Variants in DENND5A observed in about 807,000 individuals in gnomAD.
DENND5A encodes the protein DENN domain-containing protein 5A.
A neutral mutation model predicts 140.3 loss-of-function variants in DENND5A; 64 were observed. That is an observed-to-expected ratio of 0.46 (90% confidence interval 0.37 to 0.56). DENND5A has a LOEUF of 0.56. Among genes scored for constraint, DENND5A ranks in the 20% least tolerant of loss-of-function variants. The pLI is 0.00. For synonymous variants in DENND5A, 605 were observed against 607.7 expected, an observed-to-expected ratio of 1.00 and a Z score of 0.07; for missense variants, 1,292 against 1,593.8, an observed-to-expected ratio of 0.81 and a Z score of 3.22.
At position 9,206,794 on chromosome 11, in the gene DENND5A, A is replaced by C. The variant is rs1564915539; in HGVS notation, c.182-12T>G. 5.8e-6 allele frequency: 9 copies of C among 1,555,134 alleles called. No individual in the cohort carries two copies. Among genetic ancestry groups the C allele is most frequent in the Non-Finnish European group, 8.0e-6 (9 of 1,126,652 alleles). ...CTCAAAATTTTCTCCTGTAAGAAAA[A>C]GAATGAAGTAAATCATTTCTACAAA... On this transcript the variant is annotated splice_polypyrimidine_tract_variant and intron_variant, in intron 2 of 22. Coordinates refer to ENST00000328194, the MANE Select transcript of DENND5A (RefSeq NM_015213.4).
intron 9 of DENND5A, 102 bp from the exon 10 acceptor site, chr11:9,170,051 C>T (rs1297451975): frequency 1.1e-6 from 1 of 940,488 alleles, no homozygotes; most frequent in Non-Finnish European, 1.7e-6. Flanking sequence ...CAATGCTGGA[C>T]ACAGGAAATG....
chr11:9,220,268 C>T (rs1379806136), intron 1 of DENND5A, among the ~76,000 whole-genome samples: 2 of 152,168 alleles, frequency 1.3e-5, no homozygotes, highest in African/African-American at 2.4e-5. Context: ...ATAATTCGGG[C>T]CAGGCACAGT....
intron 1 of DENND5A, among the ~76,000 whole-genome samples, chr11:9,258,606 G>GAA (rs11398033): frequency 6.6e-6 from 1 of 151,758 alleles, no homozygotes; most frequent in Admixed American, 6.6e-5. Flanking sequence ...ACCTGGACTA[G>GAA]AAAAAAACTA....
intron 10 of DENND5A, 120 bp from the exon 11 acceptor site, chr11:9,166,087 CTT>C (rs369184549): frequency 1.2e-4 from 84 of 715,310 alleles, no homozygotes; most frequent in East Asian, 1.4e-4. Context: ...TTTTCTTTTT[CTT>C]TTTTTTTTTG....
At chr11:9,197,758 T>C (rs1849382472) in intron 4 of DENND5A, among the ~76,000 whole-genome samples, 2 of 152,224 alleles carry the variant, frequency 1.3e-5, no homozygotes, top group South Asian at 4.1e-4. Context: ...ATATTATTTA[T>C]TTGTTTTTAA....
chr11:9,256,709 T>C (rs956474553), intron 1 of DENND5A, among the ~76,000 whole-genome samples: 1 of 152,142 alleles, frequency 6.6e-6, no homozygotes, highest in Non-Finnish European at 1.5e-5. Flanking sequence ...AGAAAGTAGA[T>C]GAGTGGTTGC....
rs145847087 is a variant in DENND5A at position 9,146,030 on chromosome 11, C to T, written c.2858-215G>A. On this transcript the variant is annotated intron_variant, in intron 16 of 22. Transcript: ENST00000328194. ...ATGGCCCCTCCTCAATTTCACTCCT[C>T]TCAGGCTTACCACCCAAACATCAAA... is the stretch of plus-strand genomic sequence containing the variant. Among the ~76,000 whole-genome samples, 334 of 152,298 alleles carry T rather than the reference C, an allele frequency of 2.2e-3. 4 individuals carry two copies. Among genetic ancestry groups the T allele is most frequent in the African/African-American group, 7.9e-3 (327 of 41,552 alleles).
At chr11:9,189,347 A>T (rs965035453) in intron 5 of DENND5A, among the ~76,000 whole-genome samples, 2 of 152,196 alleles carry the variant, frequency 1.3e-5, no homozygotes, top group African/African-American at 4.8e-5. Flanking sequence ...CTTCTGCTAG[A>T]GTAGTGCGGA....
intron 1 of DENND5A, among the ~76,000 whole-genome samples, chr11:9,240,287 G>A (rs926351787): frequency 1.3e-5 from 2 of 152,044 alleles, no homozygotes; most frequent in South Asian, 2.1e-4. Flanking sequence ...CCAGCTACTC[G>A]TTGAGGCTGA....
At chr11:9,252,712 C>G (rs1420827529) in intron 1 of DENND5A, among the ~76,000 whole-genome samples, 3 of 152,156 alleles carry the variant, frequency 2.0e-5, no homozygotes, top group African/African-American at 4.8e-5. Context: ...AAGCCTCTTT[C>G]TCACTGGACA....
chr11:9,235,932 C>A (rs936165899), intron 1 of DENND5A, among the ~76,000 whole-genome samples: 33 of 152,080 alleles, frequency 2.2e-4, no homozygotes, highest in African/African-American at 7.2e-4. Flanking sequence ...ATATACTAAA[C>A]ACCACTGAAT....
intron 4 of DENND5A, among the ~76,000 whole-genome samples, chr11:9,202,264 T>A (rs904335915): frequency 6.6e-6 from 1 of 152,226 alleles, no homozygotes; most frequent in Non-Finnish European, 1.5e-5. Flanking sequence ...GGAATTTTTT[T>A]AAATTATCAT....
At chr11:9,219,811 A>T (rs1256272572) in intron 1 of DENND5A, among the ~76,000 whole-genome samples, 1 of 152,274 alleles carries the variant, frequency 6.6e-6, no homozygotes, top group Non-Finnish European at 1.5e-5. Flanking sequence ...TGTCCATTAC[A>T]GGTCTTGCAC....
chr11:9,193,792 T>A, intron 4 of DENND5A, 111 bp from the exon 5 acceptor site: 1 of 972,434 alleles, frequency 1.0e-6, no homozygotes, highest in Non-Finnish European at 1.5e-6. Flanking sequence ...TTAGAAACGA[T>A]CACGATAAAC....
At chr11:9,177,320 C>T (rs1204405259) in intron 8 of DENND5A, among the ~76,000 whole-genome samples, 1 of 150,834 alleles carries the variant, frequency 6.6e-6, no homozygotes, top group Non-Finnish European at 1.5e-5. Context: ...CGGCATCAAC[C>T]TTCCCCTCTT....
intron 1 of DENND5A, among the ~76,000 whole-genome samples, chr11:9,254,361 CA>C (rs1851858996): frequency 6.6e-6 from 1 of 152,002 alleles, no homozygotes; most frequent in African/African-American, 2.4e-5. Context: ...TGTATATATA[CA>C]GAAATTTAGC....
intron 2 of DENND5A, chr11:9,207,183 G>C: frequency 2.2e-6 from 1 of 453,454 alleles, no homozygotes; most frequent in South Asian, 1.9e-5. Flanking sequence ...CTAAAATTCA[G>C]AATAAACTAT....
chr11:9,253,135 G>A (rs1264635753), intron 1 of DENND5A, among the ~76,000 whole-genome samples: 1 of 152,110 alleles, frequency 6.6e-6, no homozygotes, highest in Non-Finnish European at 1.5e-5. Flanking sequence ...TTACAGGCAT[G>A]AGCTACCATA....
chr11:9,210,453 G>T (rs753011503), intron 1 of DENND5A, among the ~76,000 whole-genome samples: 1 of 152,172 alleles, frequency 6.6e-6, no homozygotes, highest in Non-Finnish European at 1.5e-5. Context: ...AATCATAACA[G>T]ACTTTTTTTT....
Sources: gnomAD v4.1 joint callset for allele counts (sites outside exome capture counted in the v4.1 genomes callset) on GRCh38, gnomAD v4.1.1 for gene constraint, MANE v1.5 for transcripts, NCBI Gene and HGNC (gene_info 2026-07-23, HGNC 2026-07-21) for gene names.